Variants in CHSY3 observed in about 807,000 individuals in gnomAD.
CHSY3 encodes chondroitin sulfate synthase 3.
A neutral mutation model predicts 67.2 loss-of-function variants in CHSY3; 35 were observed. The observed-to-expected ratio is 0.52, with a 90% confidence interval of 0.40 to 0.69. The LOEUF (loss-of-function observed/expected upper bound fraction) is 0.69, where lower values mean the gene tolerates loss of function less well. Among genes scored for constraint, CHSY3 ranks in the 30% least tolerant of loss-of-function variants. The probability of loss-of-function intolerance (pLI) is 0.00; values close to 1 mark genes in which losing one functional copy is unlikely to be tolerated. For missense variants in CHSY3, 1,069 were observed against 1,138.5 expected (o/e 0.94, Z 0.88); for synonymous variants, 474 against 434.7 (o/e 1.09, Z -1.12).
intron 2 of CHSY3, among the ~76,000 whole-genome samples, chr5:130,035,599 T>C (rs540812401): frequency 7.9e-5 from 12 of 152,080 alleles, no homozygotes; most frequent in Admixed American, 2.0e-4. Context: ...TGCCTCAAGA[T>C]ACGGGAAGCA....
chr5:129,927,761 A>AT (rs1333169898), intron 2 of CHSY3, among the ~76,000 whole-genome samples: 1 of 151,756 alleles, frequency 6.6e-6, no homozygotes, highest in Non-Finnish European at 1.5e-5. Flanking sequence ...TTTTCATTTT[A>AT]TTTTTTTCCC....
rs140957110 is a variant in CHSY3, at chr5:130,078,516, G to A, written c.1087-105713G>A. The stretch of plus-strand genomic sequence containing the variant: ...TTTAAAATATTTTAAAGACTTACAC[G>A]TCAGTTTTGTCATTGATGGGAGTTG... On this transcript the variant is annotated intron_variant, in intron 2 of 2. Coordinates refer to ENST00000305031, the MANE Select transcript of CHSY3 (RefSeq NM_175856.5). Among the ~76,000 whole-genome samples the A allele has an allele frequency of 2.4e-3, 360 of 152,172 alleles. 4 individuals carry two copies. The highest frequency in any genetic ancestry group is 0.021 in the East Asian group (108 of 5,180).
chr5:130,029,767 TAGAG>T (rs1764654403), intron 2 of CHSY3, among the ~76,000 whole-genome samples: 1 of 152,078 alleles, frequency 6.6e-6, no homozygotes, highest in African/African-American at 2.4e-5. Context: ...ACATAGCCAT[TAGAG>T]AGAAAATCAG....
chr5:129,981,493 T>G (rs183875249), intron 2 of CHSY3, among the ~76,000 whole-genome samples: 1 of 152,116 alleles, frequency 6.6e-6, no homozygotes, highest in African/African-American at 2.4e-5. Flanking sequence ...TTCTTCCAAA[T>G]CTACATACTT....
At chr5:130,030,031 T>G (rs1207940377) in intron 2 of CHSY3, among the ~76,000 whole-genome samples, 1 of 152,150 alleles carries the variant, frequency 6.6e-6, no homozygotes, top group Admixed American at 6.6e-5. Flanking sequence ...ACTTAAATTT[T>G]TTTCCTAAAT....
At chr5:130,067,085 T>C (rs1765907126) in intron 2 of CHSY3, among the ~76,000 whole-genome samples, 1 of 152,186 alleles carries the variant, frequency 6.6e-6, no homozygotes, top group African/African-American at 2.4e-5. Context: ...CTAAAAAATC[T>C]GTGGTGACTT....
At chr5:130,160,846 T>C (rs30262) in intron 2 of CHSY3, among the ~76,000 whole-genome samples, 143,796 of 152,084 alleles carry the variant, frequency 0.95, 68,096 homozygotes, top group East Asian at 1. Flanking sequence ...TACCAGGGAA[T>C]GGCTCCAGAA....
At chr5:130,012,462 A>G (rs1363131298) in intron 2 of CHSY3, among the ~76,000 whole-genome samples, 1 of 152,152 alleles carries the variant, frequency 6.6e-6, no homozygotes, top group Non-Finnish European at 1.5e-5. Flanking sequence ...ACTGTGACTT[A>G]GACTAGGTAA....
intron 2 of CHSY3, among the ~76,000 whole-genome samples, chr5:129,994,909 A>G (rs1208316698): frequency 1.5e-4 from 18 of 118,182 alleles, no homozygotes; most frequent in East Asian, 2.6e-4. Context: ...GGGTGGGGGG[A>G]TGGGGGAGGG....
chr5:130,152,943 T>C (rs1452361252), intron 2 of CHSY3, among the ~76,000 whole-genome samples: 1 of 152,102 alleles, frequency 6.6e-6, no homozygotes, highest in Non-Finnish European at 1.5e-5. Flanking sequence ...CAACTACTGA[T>C]AGGCTAAGTG....
intron 2 of CHSY3, among the ~76,000 whole-genome samples, chr5:130,084,587 TTTAA>T (rs1431824986): frequency 9.4e-5 from 14 of 149,556 alleles, no homozygotes; most frequent in Middle Eastern, 3.2e-3. Flanking sequence ...TAATTGATCT[TTTAA>T]TTAATTAATT....
At chr5:129,949,491 T>C (rs1341451087) in intron 2 of CHSY3, among the ~76,000 whole-genome samples, 1 of 152,094 alleles carries the variant, frequency 6.6e-6, no homozygotes, top group Non-Finnish European at 1.5e-5. Context: ...AAACAAAAGT[T>C]CAGTGACCTG....
In CHSY3 at chr5:129,905,015, G is replaced by T; in HGVS notation, c.186G>T (p.Pro62=). 1.3e-6 allele frequency: 2 copies of T among 1,563,592 alleles called. No individual in the cohort carries two copies. The highest frequency in any genetic ancestry group is 1.7e-6 in the Non-Finnish European group (2 of 1,161,164). The part of the protein sequence containing the change: ...AAGPRAGAQQ[P]LPQPQSRPRQ... ...GCCCCCGCGCCGGCGCTCAGCAGCC[G>T]CTCCCCCAGCCCCAGTCCCGACCAC... The change falls in exon 1 of 3, where the codon CCG becomes CCT. Residue 62 remains proline (P), a synonymous_variant. Coordinates refer to ENST00000305031, the MANE Select transcript of CHSY3 (RefSeq NM_175856.5).
At chr5:129,920,848 T>A (rs574088306) in intron 2 of CHSY3, among the ~76,000 whole-genome samples, 2 of 152,232 alleles carry the variant, frequency 1.3e-5, no homozygotes, top group South Asian at 4.2e-4. Context: ...AGACTGTGTT[T>A]CACTCTGTCA....
intron 2 of CHSY3, among the ~76,000 whole-genome samples, chr5:129,947,274 T>G (rs1330045125): frequency 1.3e-5 from 2 of 151,894 alleles, no homozygotes; most frequent in Non-Finnish European, 2.9e-5. Flanking sequence ...CATGATTAAA[T>G]TACCTCCCAC....
intron 2 of CHSY3, among the ~76,000 whole-genome samples, chr5:130,014,037 T>G (rs1374375047): frequency 1.3e-5 from 2 of 152,170 alleles, no homozygotes; most frequent in Admixed American, 6.5e-5. Context: ...ATGCCACCAG[T>G]CTCTTTGCTA....
chr5:129,964,659 C>T (rs1263314866), intron 2 of CHSY3, among the ~76,000 whole-genome samples: 5 of 151,752 alleles, frequency 3.3e-5, no homozygotes, highest in African/African-American at 7.3e-5. Flanking sequence ...GGCAATTTTC[C>T]CCCTGTGTAT....
chr5:130,152,468 T>G (rs1047776154), intron 2 of CHSY3, among the ~76,000 whole-genome samples: 1 of 152,220 alleles, frequency 6.6e-6, no homozygotes, highest in East Asian at 1.9e-4. Context: ...TTTGTAGATA[T>G]TTTTATGTCG....
chr5:129,937,021 T>A lies in CHSY3; in HGVS notation c.1086+28661T>A, dbSNP rs189138150. On this transcript the variant is annotated intron_variant, in intron 2 of 2. Coordinates refer to ENST00000305031, the MANE Select transcript of CHSY3 (RefSeq NM_175856.5). The stretch of plus-strand genomic sequence containing the variant: ...AAGAATTAGCTTCCTTCATTTGGAG[T>A]TCTCTCTCTTTCTCACTCTCGTTCT... Among the ~76,000 whole-genome samples, 156 of 152,300 alleles carry A rather than the reference T, an allele frequency of 1.0e-3. 4 individuals are homozygous for A. Among genetic ancestry groups the A allele is most frequent in the Admixed American group, 1.4e-3 (21 of 15,300 alleles).
Sources: allele counts gnomAD v4.1 joint callset (sites outside exome capture counted in the v4.1 genomes callset), GRCh38; gene constraint gnomAD v4.1.1; transcripts MANE v1.5; gene names NCBI Gene and HGNC (gene_info 2026-07-23, HGNC 2026-07-21).